The following RPS6KC1 variants were observed in gnomAD, a reference collection of about 807,000 sequenced individuals.
RPS6KC1 encodes ribosomal protein S6 kinase C1.
In RPS6KC1, 54 loss-of-function variants were observed where a neutral mutation model predicts 103.8. That is an observed-to-expected ratio of 0.52 (90% CI 0.42 to 0.65). The LOEUF is 0.65. Ranked by LOEUF, RPS6KC1 falls within the 30% of genes least tolerant of loss-of-function variation. RPS6KC1 has a pLI of 0.00. For synonymous variants in RPS6KC1, 439 were observed against 438.7 expected, an observed-to-expected ratio of 1.00 and a Z score of -0.01; for missense variants, 1,151 against 1,253.8, an observed-to-expected ratio of 0.92 and a Z score of 1.24.
chr1:213,801,621 T>G, the RPS6KC1 span, among the ~76,000 whole-genome samples: 1 of 137,780 alleles, frequency 7.3e-6, no homozygotes, highest in Non-Finnish European at 1.5e-5. Flanking sequence ...TCTTTAAGCT[T>G]TGGTGGTGTT....
At chr1:213,804,661 A>G in the RPS6KC1 span, among the ~76,000 whole-genome samples, 3 of 152,142 alleles carry the variant, frequency 2.0e-5, no homozygotes, top group Non-Finnish European at 4.4e-5. Flanking sequence ...ATTGTTGTCT[A>G]TCTCCCCCAG....
the RPS6KC1 span, among the ~76,000 whole-genome samples, chr1:213,632,250 T>C: frequency 6.6e-6 from 1 of 152,340 alleles, no homozygotes; most frequent in East Asian, 1.9e-4. Flanking sequence ...ACATACGTTT[T>C]CATTTCCCTA....
At chr1:213,592,543 G>A in the RPS6KC1 span, among the ~76,000 whole-genome samples, 5 of 152,156 alleles carry the variant, frequency 3.3e-5, no homozygotes, top group African/African-American at 1.2e-4. Context: ...GTTGGCCACA[G>A]GACCCACCCT....
At chr1:213,243,822 C>A (rs2094406308) in intron 12 of RPS6KC1, among the ~76,000 whole-genome samples, 1 of 152,090 alleles carries the variant, frequency 6.6e-6, no homozygotes, top group African/African-American at 2.4e-5. Context: ...TACTTAACAG[C>A]TAACTAGTGT....
At chr1:213,605,272 A>C in the RPS6KC1 span, among the ~76,000 whole-genome samples, 1 of 152,222 alleles carries the variant, frequency 6.6e-6, no homozygotes, top group Non-Finnish European at 1.5e-5. Context: ...ACGGAAATAG[A>C]GTTCTAAAAA....
At chr1:213,651,034 T>G in the RPS6KC1 span, among the ~76,000 whole-genome samples, 1 of 151,716 alleles carries the variant, frequency 6.6e-6, no homozygotes, top group Admixed American at 6.6e-5. Context: ...GCCCAGAAGC[T>G]GAATCGCCCT....
At chr1:213,205,217 ATCTAC>A (rs2093302941) in intron 8 of RPS6KC1, 1 of 983,294 alleles carries the variant, frequency 1.0e-6, no homozygotes, top group African/African-American at 1.7e-5. Flanking sequence ...CTACTTTTTA[ATCTAC>A]TCTACTGATT....
the RPS6KC1 span, among the ~76,000 whole-genome samples, chr1:213,629,582 C>A: frequency 1.1e-4 from 16 of 152,068 alleles, no homozygotes; most frequent in Admixed American, 5.2e-4. Context: ...AGCCCATTTA[C>A]ATTTAAGGTT....
chr1:213,147,551 C>G (rs1208568842), intron 6 of RPS6KC1, among the ~76,000 whole-genome samples: 1 of 152,138 alleles, frequency 6.6e-6, no homozygotes, highest in Non-Finnish European at 1.5e-5. Context: ...TTCCACTCAT[C>G]TATGTGTCTG....
chr1:213,452,715 C>T, the RPS6KC1 span, among the ~76,000 whole-genome samples: 1 of 152,206 alleles, frequency 6.6e-6, no homozygotes, highest in Non-Finnish European at 1.5e-5. Flanking sequence ...GCAGGCTCAG[C>T]CCTGTCCTGT....
the RPS6KC1 span, among the ~76,000 whole-genome samples, chr1:213,297,637 A>AT: frequency 6.6e-6 from 1 of 151,842 alleles, no homozygotes; most frequent in Non-Finnish European, 1.5e-5. Flanking sequence ...TTTAGTGTGT[A>AT]TTTTTTTTAG....
At chr1:213,096,717 GC>G (rs1159913103) in intron 3 of RPS6KC1, among the ~76,000 whole-genome samples, 1 of 151,966 alleles carries the variant, frequency 6.6e-6, no homozygotes, top group Non-Finnish European at 1.5e-5. Context: ...GTTGTCAATG[GC>G]ATCTAGGGTG....
At chr1:213,255,072 A>G (rs1363726316) in intron 12 of RPS6KC1, among the ~76,000 whole-genome samples, 9 of 152,100 alleles carry the variant, frequency 5.9e-5, no homozygotes, top group Admixed American at 5.9e-4. Context: ...AGACCAAGGC[A>G]GGAGAATTAC....
At chr1:213,335,621 A>G in the RPS6KC1 span, among the ~76,000 whole-genome samples, 3 of 152,234 alleles carry the variant, frequency 2.0e-5, no homozygotes, top group East Asian at 5.8e-4. Flanking sequence ...CACACCTGCC[A>G]CTCCTATCTG....
chr1:213,317,219 C>G, the RPS6KC1 span, among the ~76,000 whole-genome samples: 1 of 152,172 alleles, frequency 6.6e-6, no homozygotes, highest in East Asian at 1.9e-4. Context: ...TTCTCTGATT[C>G]ATTGCTTGCC....
the RPS6KC1 span, among the ~76,000 whole-genome samples, chr1:213,436,522 A>G: frequency 6.6e-6 from 1 of 152,208 alleles, no homozygotes. Flanking sequence ...AAATTTTTAG[A>G]AACATCAATT....
At chr1:213,652,768 G>A in the RPS6KC1 span, among the ~76,000 whole-genome samples, 1 of 152,150 alleles carries the variant, frequency 6.6e-6, no homozygotes, top group Non-Finnish European at 1.5e-5. Context: ...TGCGAGTGCA[G>A]CCATCCCAGA....
chr1:213,852,985 G>A, the RPS6KC1 span, among the ~76,000 whole-genome samples: 2 of 152,174 alleles, frequency 1.3e-5, no homozygotes, highest in South Asian at 4.1e-4. Flanking sequence ...GTTCCCCATG[G>A]ACTCAGTCCA....
At chr1:213,425,909 G>A in the RPS6KC1 span, among the ~76,000 whole-genome samples, 1 of 152,146 alleles carries the variant, frequency 6.6e-6, no homozygotes, top group African/African-American at 2.4e-5. Flanking sequence ...GAGGCTTCCC[G>A]TGGCCTCTGC....
Sources: gnomAD v4.1 joint callset for allele counts (sites outside exome capture counted in the v4.1 genomes callset) on GRCh38, gnomAD v4.1.1 for gene constraint, MANE v1.5 for transcripts, NCBI Gene and HGNC (gene_info 2026-07-23, HGNC 2026-07-21) for gene names.